TENM3: variants seen among roughly 807,000 people sequenced by gnomAD.
TENM3 encodes the protein teneurin-3.
Under a neutral mutation model 255.1 loss-of-function variants are expected in TENM3, and 63 were observed. The observed-to-expected ratio is 0.25, with a 90% CI of 0.20 to 0.30. TENM3 has a LOEUF of 0.30. Among genes scored for constraint, TENM3 ranks in the 10% least tolerant of loss-of-function variants. The pLI is 1.00. For synonymous variants in TENM3, 1,306 were observed against 1,322.3 expected, an observed-to-expected ratio of 0.99 and a Z score of 0.27; for missense variants, 2,929 against 3,461.1, an observed-to-expected ratio of 0.85 and a Z score of 3.86.
the TENM3 span, among the ~76,000 whole-genome samples, chr4:181,521,855 G>C: frequency 6.6e-6 from 1 of 152,120 alleles, no homozygotes; most frequent in Non-Finnish European, 1.5e-5. Context: ...CCAGCACTTT[G>C]GAAGGCCAAG....
At chr4:182,457,244 T>C (rs6825000) in intron 3 of TENM3, among the ~76,000 whole-genome samples, 119,231 of 150,726 alleles carry the variant, frequency 0.79, 48,129 homozygotes, top group East Asian at 0.95. Context: ...ATTTTACTTT[T>C]TCCTGAGAAA....
chr4:181,851,396 T>C, the TENM3 span, among the ~76,000 whole-genome samples: 1 of 152,136 alleles, frequency 6.6e-6, no homozygotes, highest in Non-Finnish European at 1.5e-5. Flanking sequence ...ATGGGATAGA[T>C]GCTGCATCAG....
the TENM3 span, among the ~76,000 whole-genome samples, chr4:181,848,147 T>C: frequency 6.6e-6 from 1 of 152,218 alleles, no homozygotes; most frequent in African/African-American, 2.4e-5. Context: ...TCGTGGAGTT[T>C]AGAATCTCAT....
chr4:181,863,616 C>G, the TENM3 span, among the ~76,000 whole-genome samples: 118 of 152,190 alleles, frequency 7.8e-4, 1 homozygote, highest in Non-Finnish European at 1.5e-3. Context: ...CCTTGGGTAC[C>G]CAGTTCCCTT....
chr4:182,193,548 A>C (rs571698861), intron 1 of TENM3, among the ~76,000 whole-genome samples: 1 of 152,354 alleles, frequency 6.6e-6, no homozygotes, highest in African/African-American at 2.4e-5. Context: ...ATTAAAAAAC[A>C]ATAGCGTCCT....
chr4:181,630,550 A>G, the TENM3 span, among the ~76,000 whole-genome samples: 3 of 152,030 alleles, frequency 2.0e-5, no homozygotes, highest in Admixed American at 1.3e-4. Flanking sequence ...CTTTGTTCTC[A>G]TTGGTTTCAA....
At chr4:181,891,908 T>C in the TENM3 span, among the ~76,000 whole-genome samples, 1 of 152,114 alleles carries the variant, frequency 6.6e-6, no homozygotes, top group Admixed American at 6.5e-5. Context: ...CATTAAGCCA[T>C]GAGGACTCCT....
intron 3 of TENM3, among the ~76,000 whole-genome samples, chr4:182,543,548 A>G (rs1422320376): frequency 6.6e-6 from 1 of 152,180 alleles, no homozygotes; most frequent in East Asian, 1.9e-4. Flanking sequence ...CTAACCTTAA[A>G]CAGGTTACTG....
At chr4:181,460,894 G>A in the TENM3 span, among the ~76,000 whole-genome samples, 1 of 151,628 alleles carries the variant, frequency 6.6e-6, no homozygotes, top group African/African-American at 2.4e-5. Flanking sequence ...TTATTTTAAA[G>A]AGTCAGTTAT....
At chr4:181,574,021 A>G in the TENM3 span, among the ~76,000 whole-genome samples, 1 of 152,334 alleles carries the variant, frequency 6.6e-6, no homozygotes, top group African/African-American at 2.4e-5. Context: ...TAAATCTTAC[A>G]GAAATTGAGG....
chr4:182,048,526 T>G, the TENM3 span, among the ~76,000 whole-genome samples: 1 of 152,228 alleles, frequency 6.6e-6, no homozygotes, highest in Non-Finnish European at 1.5e-5. Flanking sequence ...AAGAGTCAGA[T>G]GTAAAAAAAT....
intron 1 of TENM3, among the ~76,000 whole-genome samples, chr4:182,256,198 T>C (rs1372030907): frequency 2.6e-5 from 4 of 152,200 alleles, no homozygotes; most frequent in African/African-American, 9.6e-5. Context: ...AAGAATAAAA[T>C]GTGCAGGATA....
At chr4:181,936,324 G>A in the TENM3 span, among the ~76,000 whole-genome samples, 1 of 152,158 alleles carries the variant, frequency 6.6e-6, no homozygotes, top group African/African-American at 2.4e-5. Context: ...GAACTTGGGA[G>A]GCAGAGGTTG....
intron 3 of TENM3, among the ~76,000 whole-genome samples, chr4:182,412,032 C>G (rs1770024463): frequency 6.6e-6 from 1 of 152,144 alleles, no homozygotes; most frequent in Admixed American, 6.6e-5. Context: ...CTAACAGTAC[C>G]TGATCCAACG....
At chr4:182,599,989 C>T (rs1048016042) in intron 3 of TENM3, among the ~76,000 whole-genome samples, 2 of 152,138 alleles carry the variant, frequency 1.3e-5, no homozygotes, top group African/African-American at 4.8e-5. Flanking sequence ...TCAGATGTTA[C>T]ATTAATTTGT....
At chr4:182,673,275 A>T (rs569399692) in intron 7 of TENM3, 56 bp downstream of exon 7, 2 of 1,244,438 alleles carry the variant, frequency 1.6e-6, no homozygotes, top group Middle Eastern at 2.3e-4. Flanking sequence ...ATTTTTTGAA[A>T]TTATTCTCTT....
At chr4:182,512,464 G>T (rs1737506936) in intron 3 of TENM3, among the ~76,000 whole-genome samples, 1 of 152,088 alleles carries the variant, frequency 6.6e-6, no homozygotes, top group Non-Finnish European at 1.5e-5. Flanking sequence ...ATATTTCAGG[G>T]TTTATTTATT....
chr4:182,773,363 CA>C (rs1299679052), intron 22 of TENM3, 108 bp from the exon 23 acceptor site: 6 of 1,014,674 alleles, frequency 5.9e-6, no homozygotes, highest in Non-Finnish European at 8.7e-6. Context: ...TCCACGAAGA[CA>C]AATAGTCCTC....
the TENM3 span, among the ~76,000 whole-genome samples, chr4:181,551,874 GTGTGTGTGTGTGTGTA>G: frequency 1.6e-3 from 97 of 60,650 alleles, no homozygotes; most frequent in African/African-American, 4.1e-3. Context: ...GTGTGTGTGT[GTGTGTGTGTGTGTGTA>G]TATAAATTTT....
Sources: allele counts gnomAD v4.1 joint callset (sites outside exome capture counted in the v4.1 genomes callset), GRCh38; gene constraint gnomAD v4.1.1; transcripts MANE v1.5; gene names NCBI Gene and HGNC (gene_info 2026-07-23, HGNC 2026-07-21).